BFSP1: variants seen among roughly 807,000 people sequenced by gnomAD.
The protein encoded by BFSP1 is filensin.
BFSP1 carries 38 observed loss-of-function variants against 43.9 expected under a neutral mutation model. That is an observed-to-expected ratio of 0.87 (90% confidence interval 0.67 to 1.14). BFSP1 has a LOEUF of 1.14. Among genes scored for constraint, BFSP1 ranks in the 50% most tolerant of loss-of-function variants. The pLI is 0.00. For missense variants in BFSP1, 850 were observed against 875.1 expected, an observed-to-expected ratio of 0.97 and a Z score of 0.36; for synonymous variants, 352 against 354.8, an observed-to-expected ratio of 0.99 and a Z score of 0.09.
chr20:17,529,070 T>TGC (rs986547877), intron 1 of BFSP1, among the ~76,000 whole-genome samples: 3 of 150,200 alleles, frequency 2.0e-5, no homozygotes, highest in Non-Finnish European at 3.0e-5. Flanking sequence ...AATAAGTGTG[T>TGC]GTGTGTGTGT....
chr20:17,568,027 T>C (rs1324529218), intron 1 of BFSP1, among the ~76,000 whole-genome samples: 1 of 150,814 alleles, frequency 6.6e-6, no homozygotes, highest in Non-Finnish European at 1.5e-5. Context: ...CGAAGGGTGA[T>C]AGGAACATCC....
At chr20:17,506,179 G>A (rs1361732637) in intron 5 of BFSP1, among the ~76,000 whole-genome samples, 1 of 152,148 alleles carries the variant, frequency 6.6e-6, no homozygotes, top group African/African-American at 2.4e-5. Context: ...GCCAGCAGCC[G>A]GCAAAGAAAC....
At chr20:17,552,411 G>T (rs1296946627) in intron 1 of BFSP1, among the ~76,000 whole-genome samples, 1 of 152,210 alleles carries the variant, frequency 6.6e-6, no homozygotes, top group Admixed American at 6.5e-5. Context: ...GCAACGAGAG[G>T]ACAGATCCCA....
chr20:17,534,948 G>A (rs942887127), upstream of BFSP1, among the ~76,000 whole-genome samples: 1 of 152,018 alleles, frequency 6.6e-6, no homozygotes, highest in African/African-American at 2.4e-5. Flanking sequence ...TGAATCCGGA[G>A]GGGTAGAGGT....
chr20:17,506,501 T>C (rs1457396527), intron 5 of BFSP1, among the ~76,000 whole-genome samples: 4 of 151,962 alleles, frequency 2.6e-5, no homozygotes, highest in Non-Finnish European at 2.9e-5. Context: ...AATATTTTGA[T>C]AACTGTTTTA....
intron 1 of BFSP1, among the ~76,000 whole-genome samples, chr20:17,544,497 A>G (rs574217545): frequency 1.5e-4 from 23 of 152,364 alleles, no homozygotes; most frequent in Middle Eastern, 3.4e-3. Context: ...GTACCTCTAC[A>G]TAGTTATTTT....
upstream of BFSP1, among the ~76,000 whole-genome samples, chr20:17,534,666 G>C (rs1158274933): frequency 6.6e-6 from 1 of 152,150 alleles, no homozygotes; most frequent in Non-Finnish European, 1.5e-5. Flanking sequence ...TATCATAAAA[G>C]ACAAAGAGAA....
At chr20:17,495,566 A>T (rs2239655) in intron 7 of BFSP1, among the ~76,000 whole-genome samples, 56,407 of 151,952 alleles carry the variant, frequency 0.37, 10,707 homozygotes, top group African/African-American at 0.48. Flanking sequence ...TCATTCCATA[A>T]TTAGCTCAAG....
intron 1 of BFSP1, among the ~76,000 whole-genome samples, chr20:17,552,256 G>A (rs748551026): frequency 1.9e-4 from 29 of 152,114 alleles, no homozygotes; most frequent in Non-Finnish European, 3.7e-4. Flanking sequence ...AAGCCATTTG[G>A]ATTCTTGAAG....
Position 17,494,392 on chromosome 20 carries a change from A to G in BFSP1, c.1680T>C (p.Arg560=), listed in dbSNP as rs753055062. 1 of 1,614,132 alleles carries G rather than the reference A, an allele frequency of 6.2e-7. No homozygotes were observed. Among genetic ancestry groups the G allele is most frequent in the South Asian group, 1.1e-5 (1 of 91,086 alleles). ...ACTCTTCGTCCCGCTCCTCACCCTC[A>G]CGTTTCTCTTCAGGGCCTTCCAGCT... ...GAELEGPEEK[R]EGEERDEESR... The change falls in exon 8 of 8, where the codon CGT becomes CGC. Residue 560 remains arginine (R), a synonymous_variant. Coordinates refer to ENST00000377873, the MANE Select transcript of BFSP1 (RefSeq NM_001195.5).
chr20:17,553,520 C>T (rs2034929068), intron 1 of BFSP1, among the ~76,000 whole-genome samples: 1 of 151,886 alleles, frequency 6.6e-6, no homozygotes, highest in South Asian at 2.1e-4. Context: ...AAACAAAGTA[C>T]CTATACTTAT....
At chr20:17,566,900 C>T (rs1398919506) in intron 1 of BFSP1, among the ~76,000 whole-genome samples, 1 of 152,182 alleles carries the variant, frequency 6.6e-6, no homozygotes, top group Admixed American at 6.5e-5. Context: ...GATCCACCTG[C>T]CTCAGCCCCC....
chr20:17,511,672 G>A (rs758717946), intron 4 of BFSP1, among the ~76,000 whole-genome samples: 1 of 152,196 alleles, frequency 6.6e-6, no homozygotes, highest in Non-Finnish European at 1.5e-5. Context: ...ATGGCACATC[G>A]CTTTGGAAAG....
chr20:17,540,974 CA>C (rs2034706374), intron 1 of BFSP1: 1 of 152,234 alleles, frequency 6.6e-6, no homozygotes, highest in South Asian at 2.1e-4. Context: ...TCTCATTCAG[CA>C]ACTAGTTAAA....
upstream of BFSP1, among the ~76,000 whole-genome samples, chr20:17,561,360 G>A (rs372028862): frequency 3.2e-4 from 48 of 152,256 alleles, no homozygotes; most frequent in South Asian, 2.5e-3. Context: ...TTAGCTGGGC[G>A]TAGTAGTGGG....
chr20:17,553,968 AACT>A (rs894385238), intron 1 of BFSP1, among the ~76,000 whole-genome samples: 27 of 150,394 alleles, frequency 1.8e-4, no homozygotes, highest in African/African-American at 6.3e-4. Context: ...AAGATAATTA[AACT>A]ACAGTTGCAG....
In BFSP1 at chr20:17,553,776, C is replaced by CATAT. The variant is rs1204969085; in HGVS notation, c.2+4908_2+4911dup. 3.6e-3 allele frequency among the ~76,000 whole-genome samples: 385 copies of CATAT among 105,846 alleles called. 2 individuals are homozygous for CATAT. Among genetic ancestry groups the CATAT allele is most frequent in the African/African-American group, 0.013 (281 of 21,104 alleles). The allele number at this position is 105,846 out of a possible 152,430, so 69.4% of individuals were successfully genotyped here. A position where few individuals can be genotyped will look rare whatever the true frequency, so the allele number is the denominator to read the frequency against. On this transcript the variant is annotated intron_variant, in intron 1 of 7. Transcript: ENST00000377868. ...AAAAGACCTGTTAAAAATATATAAA[C>CATAT]ATATATATATATATATATACACACA...
chr20:17,527,607 A>T (rs1471622865), intron 1 of BFSP1, among the ~76,000 whole-genome samples: 1 of 152,184 alleles, frequency 6.6e-6, no homozygotes, highest in Non-Finnish European at 1.5e-5. Context: ...GGGCGCCTGT[A>T]GTCCCAGCTA....
intron 5 of BFSP1, among the ~76,000 whole-genome samples, chr20:17,504,630 G>T (rs761506439): frequency 1.3e-5 from 2 of 152,214 alleles, no homozygotes; most frequent in Non-Finnish European, 2.9e-5. Flanking sequence ...CAAAGGGGAG[G>T]TCCCAGAAAC....
Sources: gnomAD v4.1 joint callset for allele counts (sites outside exome capture counted in the v4.1 genomes callset) on GRCh38, gnomAD v4.1.1 for gene constraint, MANE v1.5 for transcripts, NCBI Gene and HGNC (gene_info 2026-07-23, HGNC 2026-07-21) for gene names.